OTOF: variants seen among roughly 807,000 people sequenced by gnomAD.
OTOF encodes fer-1-like family member 2.
Under a neutral mutation model 236.8 loss-of-function variants are expected in OTOF, and 218 were observed. That is an observed-to-expected ratio of 0.92 (90% CI 0.82 to 1.03). The LOEUF (loss-of-function observed/expected upper bound fraction) is 1.03, where lower values mean the gene tolerates loss of function less well. OTOF is among the 50% of genes least tolerant of loss of function. The pLI is 0.00. For synonymous variants in OTOF, 1,041 were observed against 1,072.5 expected (o/e 0.97, Z 0.57); for missense variants, 2,590 against 2,694.4 (o/e 0.96, Z 0.86).
rs1665775422 is a variant in OTOF at position 26,489,225 on chromosome 2, A to C, written c.1031T>G (p.Val344Gly). 6.2e-7 allele frequency: 1 copy of C among 1,611,984 alleles called. No individual in the cohort carries two copies. The highest frequency in any genetic ancestry group is 8.5e-7 in the Non-Finnish European group (1 of 1,179,248). ...CAGGTACTCACCTGGCTGCGAGTACACGGTTCCCACGTCCATTTTGAAGGA... is the reference window on the plus strand; with the variant it reads ...CAGGTACTCACCTGGCTGCGAGTACCCGGTTCCCACGTCCATTTTGAAGGA... ...VGSFKMDVGT[V>G]YSQPEHQFHH... Residue 344 changes from valine (V) to glycine (G), a missense_variant, in exon 11 of 47, where the codon GTG (valine) becomes GGG (glycine). By Grantham distance (109) the Val-to-Gly change is moderately radical (BLOSUM62 -3). This residue lies in a region of OTOF where 1,379 missense variants were observed against 1,341.6 expected (regional missense o/e 1.03). Coordinates refer to ENST00000272371, the MANE Select transcript of OTOF (RefSeq NM_194248.3).
intron 11 of OTOF, among the ~76,000 whole-genome samples, chr2:26,487,338 C>T (rs1186750957): frequency 6.6e-6 from 1 of 152,186 alleles, no homozygotes; most frequent in African/African-American, 2.4e-5. Flanking sequence ...TTCAGGCTCT[C>T]CTGTCCCTGG....
intron 8 of OTOF, 25 bp from the exon 9 acceptor site, chr2:26,495,098 A>T (rs762835798): frequency 6.2e-7 from 1 of 1,613,742 alleles, no homozygotes; most frequent in African/African-American, 1.3e-5. Context: ...AGGGGGAGCC[A>T]GAAGGAAAGC....
At chr2:26,512,929 T>C (rs1344562908) in intron 5 of OTOF, among the ~76,000 whole-genome samples, 1 of 152,054 alleles carries the variant, frequency 6.6e-6, no homozygotes, top group Non-Finnish European at 1.5e-5. Context: ...GGAGGGGGGT[T>C]CCCAATAGCA....
intron 46 of OTOF, among the ~76,000 whole-genome samples, chr2:26,458,481 T>C (rs991897706): frequency 2.6e-5 from 4 of 152,250 alleles, no homozygotes; most frequent in African/African-American, 9.6e-5. Context: ...GGGGCAGCCT[T>C]GGCCCTGCAG....
chr2:26,504,324 C>G (rs1156693812), intron 5 of OTOF, among the ~76,000 whole-genome samples: 1 of 152,082 alleles, frequency 6.6e-6, no homozygotes, highest in Admixed American at 6.5e-5. Flanking sequence ...CCAGAGAGGA[C>G]TCAGGGGCAG....
At position 26,457,304 on chromosome 2, in the gene OTOF, A is replaced by C. The variant is rs1260488032; in HGVS notation, c.*934T>G. 1 of 152,532 alleles carries C rather than the reference A, an allele frequency of 6.6e-6. No homozygotes were observed. The highest frequency in any genetic ancestry group is 1.5e-5 in the Non-Finnish European group (1 of 68,296). The allele number at this position is 152,532 out of a possible 1,614,324, so 9.4% of individuals were successfully genotyped here. Reference sequence around the variant, plus strand: ...AGGCAGGGGCAGCACTTGACGGGCCAGCTCCCAGCTGCAGCTGAAAGGGCT... The same window carrying C: ...AGGCAGGGGCAGCACTTGACGGGCCCGCTCCCAGCTGCAGCTGAAAGGGCT... On this transcript the variant is annotated 3_prime_UTR_variant, in exon 47 of 47. Coordinates refer to ENST00000272371, the MANE Select transcript of OTOF (RefSeq NM_194248.3). The surrounding 1 kb of genome is among the most constrained non-coding windows in gnomAD (Gnocchi z 4.4).
At chr2:26,517,375 A>G (rs1041920549) in intron 4 of OTOF, among the ~76,000 whole-genome samples, 5 of 152,160 alleles carry the variant, frequency 3.3e-5, no homozygotes, top group African/African-American at 4.8e-5. Flanking sequence ...CCAGGCTTAG[A>G]TTTCCCAAGG....
chr2:26,553,769 C>G (rs1018867935), intron 1 of OTOF, among the ~76,000 whole-genome samples: 6 of 152,234 alleles, frequency 3.9e-5, no homozygotes, highest in African/African-American at 9.6e-5. Context: ...GCTCCCACCT[C>G]CTTTCCCGTC....
intron 1 of OTOF, among the ~76,000 whole-genome samples, chr2:26,543,092 T>C (rs1468855658): frequency 6.6e-6 from 1 of 152,110 alleles, no homozygotes; most frequent in African/African-American, 2.4e-5. Flanking sequence ...CCCACAAAGC[T>C]CCCATGTCCT....
In OTOF at chr2:26,473,262, G is replaced by C. The variant is rs1410707036; in HGVS notation, c.3603C>G (p.Pro1201=). 1 of 1,613,488 alleles carries C rather than the reference G, an allele frequency of 6.2e-7. No individual in the cohort carries two copies. The highest frequency in any genetic ancestry group is 8.5e-7 in the Non-Finnish European group (1 of 1,179,930). The change falls in exon 29 of 47, where the codon CCC becomes CCG. Residue 1201 remains proline, a synonymous_variant. Transcript: ENST00000272371. This position sits in a 1 kb window ranked among gnomAD's most constrained non-coding sequence, Gnocchi z 7.2. Reference sequence around the variant, plus strand: ...GGCAGTCCACCACACGGATGTTCAAGGGCGGGTGCAGCAGCTCGTTCTCTG... The same window carrying C: ...GGCAGTCCACCACACGGATGTTCAACGGCGGGTGCAGCAGCTCGTTCTCTG... ...DLPENELLHP[P]LNIRVVDCRA... is the part of the protein sequence containing the mutation.
Position 26,464,926 on chromosome 2 carries a change from T to C in OTOF, c.4903A>G (p.Arg1635Gly). 1 of 1,588,248 alleles carries C rather than the reference T, an allele frequency of 6.3e-7. No individual in the cohort carries two copies. Among genetic ancestry groups the C allele is most frequent in the Non-Finnish European group, 8.6e-7 (1 of 1,166,846 alleles). ...VDGPHFGPPGRVKVANRVFTG... is the reference protein window; with the variant it reads ...VDGPHFGPPGGVKVANRVFTG... ...AAGACGCGGTTGGCCACCTTCACTC[T>C]CCCAGGGGGCCCAAAGTGGGGGCCG... The change falls in exon 39 of 47, where the codon AGA (arginine) becomes GGA (glycine). Residue 1635 changes from arginine (R) to glycine (G), a missense_variant. Physicochemically the swap from Arg to Gly is moderately radical, Grantham distance 125. Transcript: ENST00000272371.
At chr2:26,472,120 ACACG>A (rs889893657) in intron 30 of OTOF, among the ~76,000 whole-genome samples, 3 of 151,074 alleles carry the variant, frequency 2.0e-5, no homozygotes, top group African/African-American at 7.3e-5. Context: ...TGTGCACACC[ACACG>A]CACGCACGTG....
At chr2:26,472,233 CACA>C in intron 30 of OTOF, 1 of 473,892 alleles carries the variant, frequency 2.1e-6, no homozygotes. Context: ...CGCATGCACG[CACA>C]AATGCACATA....
chr2:26,483,627 C>T lies in OTOF; in HGVS notation c.1227G>A (p.Gly409=), dbSNP rs886055879. The change falls in exon 13 of 47, where the codon GGG becomes GGA. Residue 409 remains glycine (G), a synonymous_variant. Transcript: ENST00000272371. ...DIEGNLLLPE[G]VPPERQWARF... ...GGGCCCACTGGCGTTCGGGGGGCAC[C>T]CCCTCGGGGAGCAGCAAGTTCCTGC... 1.2e-6 allele frequency: 2 copies of T among 1,612,480 alleles called. No homozygotes were observed. The highest frequency in any genetic ancestry group is 2.2e-5 in the East Asian group (1 of 44,904).
chr2:26,513,391 C>A (rs146378373), intron 5 of OTOF, among the ~76,000 whole-genome samples: 3 of 152,216 alleles, frequency 2.0e-5, no homozygotes, highest in East Asian at 3.9e-4. Flanking sequence ...GTGAGGAGTG[C>A]CCAGAGGATC....
chr2:26,484,819 G>C (rs946421555), intron 11 of OTOF, among the ~76,000 whole-genome samples, 186 bp from the exon 12 acceptor site: 1 of 152,194 alleles, frequency 6.6e-6, no homozygotes, highest in Non-Finnish European at 1.5e-5. Flanking sequence ...TCTGGAGCTG[G>C]GGCAGTGGGT....
rs931737940 is a variant in OTOF, at chr2:26,466,034, G to C, written c.4543C>G (p.Pro1515Ala). Residue 1515 changes from proline to alanine, a missense_variant, in exon 37 of 47, where the codon CCC becomes GCC. Pro to Ala is a conservative substitution (Grantham distance 27, BLOSUM62 -1). Around this residue, in one of 2 missense-constraint regions of OTOF, gnomAD observed 1,211 missense variants for 1,352.8 expected, o/e 0.90. Transcript: ENST00000272371. The stretch of plus-strand genomic sequence containing the variant: ...TTGCCTAGCCGGATGGCGATGTAGG[G>C]GTCAGCTTTGCCGTTGATGTCAGCA... ...HPADINGKADPYIAIRLGKTD... is the reference protein window; with the variant it reads ...HPADINGKADAYIAIRLGKTD... The C allele has an allele frequency of 1.9e-6, 3 of 1,614,220 alleles. No individual in the cohort carries two copies. Among genetic ancestry groups the C allele is most frequent in the Admixed American group, 1.7e-5 (1 of 60,030 alleles).
chr2:26,517,641 A>T (rs1292444175), intron 4 of OTOF, among the ~76,000 whole-genome samples: 2 of 152,134 alleles, frequency 1.3e-5, no homozygotes, highest in South Asian at 2.1e-4. Flanking sequence ...GTATGTTGTT[A>T]TGGGAAAATG....
rs1666891502 is a variant in OTOF, at chr2:26,529,591, A to T, written c.139-1671T>A. ...TGTGAGCCCACCCTGCACGTTTGCC[A>T]TTCCCAAAGCTGAGATTCCTTCTCC... On this transcript the variant is annotated intron_variant, in intron 2 of 46. Transcript: ENST00000272371. Among the ~76,000 whole-genome samples, 8 of 152,148 alleles carry T rather than the reference A, an allele frequency of 5.3e-5. No homozygotes were observed. In the South Asian group the frequency reaches 1.4e-3, roughly 28 times the overall value.
Sources: gnomAD v4.1 joint callset for allele counts (sites outside exome capture counted in the v4.1 genomes callset) on GRCh38, gnomAD v4.1.1 for gene constraint, gnomAD v4.1.1 regional missense constraint, Gnocchi (gnomAD v3.1) non-coding constraint, MANE v1.5 for transcripts, NCBI Gene and HGNC (gene_info 2026-07-23, HGNC 2026-07-21) for gene names.